The following SLC6A17 variants were observed in gnomAD, a reference collection of about 807,000 sequenced individuals.
The protein encoded by SLC6A17 is sodium-dependent neutral amino acid transporter SLC6A17.
A neutral mutation model predicts 64.5 loss-of-function variants in SLC6A17; 21 were observed. The ratio of observed to expected loss-of-function variants is 0.33; its 90% confidence interval spans 0.23 to 0.47. The LOEUF is 0.47. Ranked by LOEUF, SLC6A17 falls within the 20% of genes least tolerant of loss-of-function variation. The probability of loss-of-function intolerance (pLI) is 1.00; values close to 1 mark genes in which losing one functional copy is unlikely to be tolerated. For synonymous variants in SLC6A17, 372 were observed against 399.5 expected (o/e 0.93, Z 0.82); for missense variants, 682 against 963.2 (o/e 0.71, Z 3.86).
intron 10 of SLC6A17, 27 bp downstream of exon 10, chr1:110,195,772 G>GA: frequency 6.2e-7 from 1 of 1,613,616 alleles, no homozygotes. Flanking sequence ...GGAAAGGTGG[G>GA]ATGGGAGGAG....
rs187049110 is a variant in SLC6A17 at position 110,165,033 on chromosome 1, A to G, written c.-87-1810A>G. 4.4e-3 allele frequency among the ~76,000 whole-genome samples: 664 copies of G among 152,252 alleles called. 18 individuals carry two copies. The highest frequency in any genetic ancestry group is 0.037 in the Admixed American group (571 of 15,286). Reference sequence around the variant, plus strand: ...GATTGCAGGCTCCAGAGGGACCCCCACCCTTCTTCCCAGATCTCATCTTTA... The same window carrying G: ...GATTGCAGGCTCCAGAGGGACCCCCGCCCTTCTTCCCAGATCTCATCTTTA... On this transcript the variant is annotated intron_variant, in intron 1 of 11. Transcript: ENST00000331565.
chr1:110,155,818 A>C (rs960870714), intron 1 of SLC6A17, among the ~76,000 whole-genome samples: 2 of 152,190 alleles, frequency 1.3e-5, no homozygotes, highest in African/African-American at 4.8e-5. Context: ...TCCACACCCC[A>C]AAATTCTGCC....
rs1656563910 is a variant in SLC6A17, at chr1:110,182,656, A to C, written c.864+5917A>C. On this transcript the variant is annotated intron_variant, in intron 6 of 11. Transcript: ENST00000331565. ...GACAGGCAGGCCGACAGACAAACAG[A>C]CATTCTAGATGCAGAGTGAAGAAAA... Among the ~76,000 whole-genome samples, 5 of 151,834 alleles carry C rather than the reference A, an allele frequency of 3.3e-5. No homozygotes were observed. In the South Asian group the frequency reaches 1.0e-3, roughly 32 times the overall value.
intron 1 of SLC6A17, among the ~76,000 whole-genome samples, chr1:110,158,645 A>G (rs1239593580): frequency 6.6e-6 from 1 of 152,224 alleles, no homozygotes; most frequent in Non-Finnish European, 1.5e-5. Flanking sequence ...AGGTAAAACC[A>G]AGAGGGGTTA....
intron 2 of SLC6A17, among the ~76,000 whole-genome samples, chr1:110,171,811 G>A (rs1234576052): frequency 6.6e-6 from 1 of 152,110 alleles, no homozygotes; most frequent in Non-Finnish European, 1.5e-5. Context: ...CTTGTGAGTT[G>A]ACATACATAC....
intron 1 of SLC6A17, among the ~76,000 whole-genome samples, chr1:110,158,444 G>A (rs1655816523): frequency 6.6e-6 from 1 of 152,208 alleles, no homozygotes; most frequent in Non-Finnish European, 1.5e-5. Context: ...GGATGTGGGT[G>A]AGTATGCCTT....
intron 6 of SLC6A17, among the ~76,000 whole-genome samples, chr1:110,182,600 G>A (rs186066596): frequency 2.5e-3 from 365 of 144,998 alleles, no homozygotes; most frequent in African/African-American, 8.5e-3. Flanking sequence ...GGGCGGTGGC[G>A]GGGAGGTCGA....
chr1:110,202,134 T>G lies in SLC6A17; in HGVS notation c.*3690T>G, dbSNP rs949199418. 6.6e-6 allele frequency: 1 copy of G among 152,224 alleles called. No individual in the cohort carries two copies. Among genetic ancestry groups the G allele is most frequent in the Non-Finnish European group, 1.5e-5 (1 of 68,110 alleles). The allele number at this position is 152,224 out of a possible 1,614,324, so 9.4% of individuals were successfully genotyped here. The stretch of plus-strand genomic sequence containing the variant: ...TCAGCCCAGGGGAGGGGATGAGGCA[T>G]TGTCACCCTAGACCCCTCTTCCTCT... On this transcript the variant is annotated 3_prime_UTR_variant, in exon 12 of 12. Coordinates refer to ENST00000331565, the MANE Select transcript of SLC6A17 (RefSeq NM_001010898.4).
chr1:110,195,529 C>T lies in SLC6A17; in HGVS notation c.1493-57C>T, dbSNP rs1471689215. ...GGGGCCTGGGTGCCCCCGAGACCCC[C>T]AGGGCCCTGCCCACCCTGCACCTTT... On this transcript the variant is annotated intron_variant, in intron 9 of 11. Coordinates refer to ENST00000331565, the MANE Select transcript of SLC6A17 (RefSeq NM_001010898.4). 7 of 1,601,136 alleles carry T rather than the reference C, an allele frequency of 4.4e-6. No individual in the cohort carries two copies. The East Asian group carries it at 8.9e-5, about 20-fold the overall frequency.
At chr1:110,158,050 G>A (rs963316880) in intron 1 of SLC6A17, among the ~76,000 whole-genome samples, 12 of 152,096 alleles carry the variant, frequency 7.9e-5, no homozygotes, top group African/African-American at 2.7e-4. Context: ...TATAGTGTAT[G>A]TTTATATGTA....
intron 6 of SLC6A17, among the ~76,000 whole-genome samples, chr1:110,189,250 C>T (rs1340395871): frequency 6.6e-6 from 1 of 152,212 alleles, no homozygotes; most frequent in Non-Finnish European, 1.5e-5. Flanking sequence ...TTCAGCTCAA[C>T]CTTTGTAGAA....
Position 110,195,740 on chromosome 1 carries a change from C to G in SLC6A17, c.1647C>G (p.Thr549=). 2 of 1,614,144 alleles carry G rather than the reference C, an allele frequency of 1.2e-6. No individual in the cohort carries two copies. The highest frequency in any genetic ancestry group is 1.7e-6 in the Non-Finnish European group (2 of 1,179,998). ...ENIAVAWIYG[T]KKFMQELTEM... is the part of the protein sequence containing the mutation. Reference sequence around the variant, plus strand: ...TCGCTGTGGCCTGGATTTATGGAACCAAGAAGTAAGAGGAACATGGGGGAA... The same window carrying G: ...TCGCTGTGGCCTGGATTTATGGAACGAAGAAGTAAGAGGAACATGGGGGAA... Residue 549 remains threonine (T), a synonymous_variant, in exon 10 of 12, where the codon ACC becomes ACG. Coordinates refer to ENST00000331565, the MANE Select transcript of SLC6A17 (RefSeq NM_001010898.4).
At chr1:110,179,323 T>A (rs1656453560) in intron 6 of SLC6A17, among the ~76,000 whole-genome samples, 1 of 152,216 alleles carries the variant, frequency 6.6e-6, no homozygotes. Flanking sequence ...GGTATGCATA[T>A]CTTCAGTCTT....
chr1:110,173,382 G>A (rs1656291364), intron 3 of SLC6A17, among the ~76,000 whole-genome samples: 2 of 152,176 alleles, frequency 1.3e-5, no homozygotes, highest in Admixed American at 1.3e-4. Context: ...TGCTTTCAAA[G>A]AAGCCCCTTG....
At chr1:110,194,469 T>C in intron 8 of SLC6A17, 110 bp from the exon 9 acceptor site, 2 of 1,187,314 alleles carry the variant, frequency 1.7e-6, no homozygotes, top group Non-Finnish European at 2.4e-6. Context: ...TGGGAACCCC[T>C]GTGAAAGAGG....
In SLC6A17 at chr1:110,198,124, A is replaced by G; in HGVS notation, c.1864A>G (p.Ile622Val). The G allele has an allele frequency of 6.2e-7, 1 of 1,613,968 alleles. No homozygotes were observed. The highest frequency in any genetic ancestry group is 8.5e-7 in the Non-Finnish European group (1 of 1,179,972). ...CCCCAACTGGGCCATGGCACTCCTG[A>G]TCACCCTCATCGTCGTGGCGACGCT... Reference protein sequence around the residue: ...YFPNWAMALLITLIVVATLPI... With the variant: ...YFPNWAMALLVTLIVVATLPI... The change falls in exon 12 of 12, where the codon ATC becomes GTC. Residue 622 changes from isoleucine to valine, a missense_variant. Physicochemically the swap from Ile to Val is conservative, Grantham distance 29. Around this residue, in one of 3 missense-constraint regions of SLC6A17, gnomAD observed 264 missense variants for 339.5 expected, o/e 0.78. Coordinates refer to ENST00000331565, the MANE Select transcript of SLC6A17 (RefSeq NM_001010898.4).
In SLC6A17 at chr1:110,198,151, C is replaced by T. The variant is rs757166323; in HGVS notation, c.1891C>T (p.Pro631Ser). Residue 631 changes from proline to serine, a missense_variant, in exon 12 of 12, where the codon CCC becomes TCC. Physicochemically the swap from Pro to Ser is moderately conservative, Grantham distance 74 (BLOSUM62 -1). Around this residue, in one of 3 missense-constraint regions of SLC6A17, gnomAD observed 264 missense variants for 339.5 expected, o/e 0.78. Coordinates refer to ENST00000331565, the MANE Select transcript of SLC6A17 (RefSeq NM_001010898.4). ...LITLIVVATLPIPVVFVLRHF... is the reference protein window; with the variant it reads ...LITLIVVATLSIPVVFVLRHF... The stretch of plus-strand genomic sequence containing the variant: ...CACCCTCATCGTCGTGGCGACGCTG[C>T]CCATCCCTGTGGTGTTCGTCCTGCG... 10 of 1,613,900 alleles carry T rather than the reference C, an allele frequency of 6.2e-6. No individual in the cohort carries two copies. In the South Asian group the frequency reaches 1.1e-4, roughly 18 times the overall value.
At position 110,201,107 on chromosome 1, in the gene SLC6A17, C is replaced by T. The variant is rs183092427; in HGVS notation, c.*2663C>T. The T allele has an allele frequency of 1.3e-5, 2 of 152,258 alleles. No homozygotes were observed. Among genetic ancestry groups the T allele is most frequent in the East Asian group, 1.9e-4 (1 of 5,176 alleles). The allele number at this position is 152,258 out of a possible 1,614,324, so 9.4% of individuals were successfully genotyped here. On this transcript the variant is annotated 3_prime_UTR_variant, in exon 12 of 12. Coordinates refer to ENST00000331565, the MANE Select transcript of SLC6A17 (RefSeq NM_001010898.4). Reference sequence around the variant, plus strand: ...AGCTTCTTGCTGTTCCCAGTAGAATCGCTAGCTCTTCTCCAGAGGAAAAGT... The same window carrying T: ...AGCTTCTTGCTGTTCCCAGTAGAATTGCTAGCTCTTCTCCAGAGGAAAAGT...
At chr1:110,185,721 G>A (rs1570996957) in intron 6 of SLC6A17, among the ~76,000 whole-genome samples, 1 of 152,278 alleles carries the variant, frequency 6.6e-6, no homozygotes, top group East Asian at 1.9e-4. Flanking sequence ...ATCTGGCCGG[G>A]GGTTCATCCT....
Sources: gnomAD v4.1 joint callset for allele counts (sites outside exome capture counted in the v4.1 genomes callset) on GRCh38, gnomAD v4.1.1 for gene constraint, gnomAD v4.1.1 regional missense constraint, MANE v1.5 for transcripts, NCBI Gene and HGNC (gene_info 2026-07-23, HGNC 2026-07-21) for gene names.